Variants in ATP8A1 observed in about 807,000 individuals in gnomAD.
ATP8A1 encodes ATPase phospholipid transporting 8A1.
ATP8A1 carries 90 observed loss-of-function variants against 177.7 expected under a neutral mutation model. That is an observed-to-expected ratio of 0.51 (90% CI 0.43 to 0.60). ATP8A1 has a LOEUF of 0.60. ATP8A1 is among the 20% of genes least tolerant of loss of function. ATP8A1 has a pLI of 0.00. For missense variants in ATP8A1, 1,072 were observed against 1,392.8 expected (o/e 0.77, Z 3.67); for synonymous variants, 493 against 485.9 (o/e 1.01, Z -0.19).
At chr4:42,537,090 C>A (rs1727906001) in intron 20 of ATP8A1, among the ~76,000 whole-genome samples, 1 of 151,098 alleles carries the variant, frequency 6.6e-6, no homozygotes, top group African/African-American at 2.4e-5. Flanking sequence ...CGAGATCGTG[C>A]CATTGCACTC....
At chr4:42,582,487 C>T (rs980918534) in intron 9 of ATP8A1, among the ~76,000 whole-genome samples, 27 of 150,314 alleles carry the variant, frequency 1.8e-4, no homozygotes, top group African/African-American at 6.6e-4. Context: ...ACACACCACA[C>T]ACACCCACCC....
At chr4:42,524,702 G>A in intron 21 of ATP8A1, 61 bp downstream of exon 21, 2 of 1,067,222 alleles carry the variant, frequency 1.9e-6, no homozygotes, top group Middle Eastern at 2.5e-4. Context: ...ATCCTGCAAG[G>A]TATCAGAAGT....
Position 42,464,693 on chromosome 4 carries a change from G to A in ATP8A1, c.2616C>T (p.Ile872=), listed in dbSNP as rs755858752. 26 of 1,555,424 alleles carry A rather than the reference G, an allele frequency of 1.7e-5. No individual in the cohort carries two copies. Among genetic ancestry groups the A allele is most frequent in the Middle Eastern group, 1.7e-4 (1 of 5,842 alleles). ...TTAAAATTTAACCTGCTATTACCTC[G>A]ATAATATAGAGCACTATATTCTTGT... The part of the protein sequence containing the change: ...CFYKNIVLYI[I]EIWFAFVNGF... The change falls in exon 27 of 37, where the codon ATC becomes ATT. Residue 872 remains isoleucine, a synonymous_variant. Transcript: ENST00000381668.
At chr4:42,592,886 G>C (rs73810729) in intron 6 of ATP8A1, among the ~76,000 whole-genome samples, 6 of 152,084 alleles carry the variant, frequency 3.9e-5, no homozygotes, top group Non-Finnish European at 7.4e-5. Flanking sequence ...TATGTGTTTC[G>C]TAATTGACCA....
chr4:42,584,637 C>T (rs1298837753), intron 9 of ATP8A1, among the ~76,000 whole-genome samples: 2 of 152,152 alleles, frequency 1.3e-5, no homozygotes, highest in Non-Finnish European at 1.5e-5. Flanking sequence ...CCCAACATAA[C>T]GTTGGAGGGT....
rs147235289 is a variant in ATP8A1 at position 42,434,961 on chromosome 4, C to T, written c.3123+8604G>A. On this transcript the variant is annotated intron_variant, in intron 33 of 36. Coordinates refer to ENST00000381668, the MANE Select transcript of ATP8A1 (RefSeq NM_006095.2). ...ACTTCTATTACATGGAAGATAAATA[C>T]GTTTTTATCTTGTTTAATCCAGTTA... Among the ~76,000 whole-genome samples, 462 of 152,320 alleles carry T rather than the reference C, an allele frequency of 3.0e-3. 4 individuals carry two copies. Among genetic ancestry groups the T allele is most frequent in the African/African-American group, 9.9e-3 (412 of 41,576 alleles).
intron 25 of ATP8A1, among the ~76,000 whole-genome samples, chr4:42,474,132 C>T (rs1370404032): frequency 6.6e-6 from 1 of 152,092 alleles, no homozygotes; most frequent in African/African-American, 2.4e-5. Context: ...CTGAAGATGT[C>T]AGGAGTTAAA....
chr4:42,525,535 C>G (rs1404547697), intron 20 of ATP8A1, among the ~76,000 whole-genome samples: 1 of 152,204 alleles, frequency 6.6e-6, no homozygotes, highest in Non-Finnish European at 1.5e-5. Flanking sequence ...ACTCAGTTTA[C>G]TTAATCTGTA....
intron 4 of ATP8A1, among the ~76,000 whole-genome samples, chr4:42,624,101 T>C (rs1737790895): frequency 6.6e-6 from 1 of 151,742 alleles, no homozygotes; most frequent in South Asian, 2.1e-4. Context: ...AAAAATGAGA[T>C]AAAGGAAAAA....
chr4:42,425,157 A>C (rs2153168536), intron 33 of ATP8A1, among the ~76,000 whole-genome samples: 1 of 152,372 alleles, frequency 6.6e-6, no homozygotes, highest in South Asian at 2.1e-4. Context: ...AGGTAAGGTA[A>C]GAATTCCAAG....
chr4:42,507,452 G>A (rs2153194310), intron 22 of ATP8A1, among the ~76,000 whole-genome samples: 1 of 152,196 alleles, frequency 6.6e-6, no homozygotes, highest in East Asian at 1.9e-4. Context: ...AACAGCCTGG[G>A]CACGGTGGCT....
chr4:42,437,966 C>T (rs1716179132), intron 33 of ATP8A1, among the ~76,000 whole-genome samples: 1 of 152,174 alleles, frequency 6.6e-6, no homozygotes, highest in Non-Finnish European at 1.5e-5. Flanking sequence ...CTAAGGACAG[C>T]TGAAGATGGA....
intron 24 of ATP8A1, among the ~76,000 whole-genome samples, chr4:42,498,328 G>A (rs1418554599): frequency 2.0e-5 from 3 of 152,174 alleles, no homozygotes; most frequent in African/African-American, 7.2e-5. Flanking sequence ...GGGTACAGAT[G>A]ACAACTTCAG....
intron 27 of ATP8A1, chr4:42,459,521 A>G (rs1162147656): frequency 5.6e-6 from 2 of 356,782 alleles, no homozygotes; most frequent in South Asian, 2.4e-5. Flanking sequence ...TATTTGCTTG[A>G]ATGTCAGTGT....
intron 25 of ATP8A1, among the ~76,000 whole-genome samples, chr4:42,480,872 A>G (rs562418651): frequency 6.6e-6 from 1 of 152,352 alleles, no homozygotes; most frequent in Non-Finnish European, 1.5e-5. Flanking sequence ...GCTTACTTCA[A>G]TTTAACTTTT....
intron 25 of ATP8A1, among the ~76,000 whole-genome samples, chr4:42,483,518 C>T (rs983664594): frequency 1.3e-5 from 2 of 152,104 alleles, no homozygotes; most frequent in Non-Finnish European, 2.9e-5. Flanking sequence ...CAGAGCTGAG[C>T]CGCACGTGCA....
chr4:42,482,914 T>A (rs1347770691), intron 25 of ATP8A1, among the ~76,000 whole-genome samples: 1 of 152,204 alleles, frequency 6.6e-6, no homozygotes, highest in Non-Finnish European at 1.5e-5. Context: ...AAAGCCAGTA[T>A]GAACATAAAC....
At chr4:42,579,050 G>A (rs1368482469) in intron 11 of ATP8A1, among the ~76,000 whole-genome samples, 1 of 151,930 alleles carries the variant, frequency 6.6e-6, no homozygotes, top group South Asian at 2.1e-4. Flanking sequence ...TTTTTGCTAT[G>A]TGATTGTACT....
At chr4:42,628,817 G>A (rs1336238194) in intron 1 of ATP8A1, among the ~76,000 whole-genome samples, 2 of 152,200 alleles carry the variant, frequency 1.3e-5, no homozygotes, top group Non-Finnish European at 2.9e-5. Flanking sequence ...ATTAGAGAGA[G>A]AGCCTCAAAA....
Sources: allele counts gnomAD v4.1 joint callset (sites outside exome capture counted in the v4.1 genomes callset), GRCh38; gene constraint gnomAD v4.1.1; transcripts MANE v1.5; gene names NCBI Gene and HGNC (gene_info 2026-07-23, HGNC 2026-07-21).